The following GRID2 variants were observed in gnomAD, a reference collection of about 807,000 sequenced individuals.
The protein encoded by GRID2 is glutamate receptor ionotropic, delta-2.
GRID2 carries 33 observed loss-of-function variants against 114.8 expected under a neutral mutation model. The observed-to-expected ratio is 0.29, with a 90% confidence interval of 0.22 to 0.38. The LOEUF (loss-of-function observed/expected upper bound fraction) is 0.38, where lower values mean the gene tolerates loss of function less well. GRID2 is among the 10% of genes least tolerant of loss of function. GRID2 has a pLI of 1.00. For synonymous variants in GRID2, 505 were observed against 449.9 expected (o/e 1.12, Z -1.55); for missense variants, 1,184 against 1,257.7 (o/e 0.94, Z 0.89).
intron 2 of GRID2, among the ~76,000 whole-genome samples, chr4:92,685,595 C>G (rs556817227): frequency 6.6e-6 from 1 of 152,150 alleles, no homozygotes; most frequent in African/African-American, 2.4e-5. Context: ...GAATTTTTAA[C>G]TATCTGCACA....
intron 14 of GRID2, among the ~76,000 whole-genome samples, chr4:93,682,145 G>T (rs950951356): frequency 4.0e-5 from 6 of 151,652 alleles, no homozygotes; most frequent in African/African-American, 1.5e-4. Context: ...CTTCTCAAAA[G>T]AAGACATTTA....
intron 11 of GRID2, among the ~76,000 whole-genome samples, chr4:93,461,103 A>G (rs78729650): frequency 0.018 from 2,704 of 152,312 alleles, 68 homozygotes; most frequent in African/African-American, 0.062. Flanking sequence ...AGTTATAAAT[A>G]TGTTAAATAC....
chr4:93,582,841 T>C (rs1216205683), intron 13 of GRID2, among the ~76,000 whole-genome samples: 1 of 152,166 alleles, frequency 6.6e-6, no homozygotes, highest in Non-Finnish European at 1.5e-5. Context: ...AACGATTTTG[T>C]ATGACATTGT....
intron 2 of GRID2, among the ~76,000 whole-genome samples, chr4:92,825,756 C>A (rs1233893221): frequency 6.6e-6 from 1 of 152,096 alleles, no homozygotes; most frequent in Non-Finnish European, 1.5e-5. Context: ...CAAGGCAGCC[C>A]ATATGCAGGC....
At chr4:93,391,115 G>C (rs1764812386) in intron 8 of GRID2, among the ~76,000 whole-genome samples, 1 of 152,046 alleles carries the variant, frequency 6.6e-6, no homozygotes, top group South Asian at 2.1e-4. Flanking sequence ...AGAATCTTAG[G>C]AGCATATAAT....
intron 2 of GRID2, among the ~76,000 whole-genome samples, chr4:92,886,944 T>C (rs1382622282): frequency 1.3e-5 from 2 of 152,120 alleles, no homozygotes; most frequent in African/African-American, 2.4e-5. Context: ...CTATTATTTT[T>C]TGGGGGAAAA....
intron 2 of GRID2, among the ~76,000 whole-genome samples, chr4:92,934,024 T>C (rs2149524521): frequency 6.6e-6 from 1 of 151,932 alleles, no homozygotes; most frequent in East Asian, 1.9e-4. Context: ...AGCAAGTTTG[T>C]AAATTTTTAT....
intron 2 of GRID2, among the ~76,000 whole-genome samples, chr4:92,833,267 T>G: frequency 6.6e-6 from 1 of 152,204 alleles, no homozygotes; most frequent in East Asian, 1.9e-4. Context: ...TAGTTTTCCA[T>G]AAATATTGGT....
At chr4:93,645,654 C>A (rs751639561) in intron 14 of GRID2, among the ~76,000 whole-genome samples, 1 of 152,126 alleles carries the variant, frequency 6.6e-6, no homozygotes, top group African/African-American at 2.4e-5. Context: ...CCCTTTCTCT[C>A]CAGACTATTC....
chr4:93,181,808 A>T (rs1055880313), intron 4 of GRID2, among the ~76,000 whole-genome samples: 1 of 152,192 alleles, frequency 6.6e-6, no homozygotes, highest in Admixed American at 6.5e-5. Flanking sequence ...CAGCACATAG[A>T]CTAGTACCTG....
At chr4:93,260,058 G>A (rs1750083742) in intron 8 of GRID2, among the ~76,000 whole-genome samples, 2 of 151,606 alleles carry the variant, frequency 1.3e-5, no homozygotes, top group African/African-American at 2.4e-5. Flanking sequence ...AACTGTGTCC[G>A]CTATTAAATT....
chr4:92,485,342 A>AG (rs1487742228), intron 1 of GRID2, among the ~76,000 whole-genome samples: 1,384 of 69,354 alleles, frequency 0.02, 8 homozygotes, highest in Non-Finnish European at 0.034. Flanking sequence ...ATATATATAT[A>AG]TATATAGTGT....
intron 1 of GRID2, among the ~76,000 whole-genome samples, chr4:92,365,338 A>G (rs1038137270): frequency 1.3e-5 from 2 of 152,086 alleles, no homozygotes; most frequent in Non-Finnish European, 2.9e-5. Context: ...GATGGCATGG[A>G]TGAATCTAGA....
At chr4:92,314,360 G>T (rs1560562705) in intron 1 of GRID2, among the ~76,000 whole-genome samples, 1 of 152,020 alleles carries the variant, frequency 6.6e-6, no homozygotes, top group Non-Finnish European at 1.5e-5. Flanking sequence ...TCTGTTAGTG[G>T]TATTAAAATG....
intron 2 of GRID2, among the ~76,000 whole-genome samples, chr4:92,717,591 A>C (rs1735612139): frequency 6.6e-6 from 1 of 152,232 alleles, no homozygotes; most frequent in African/African-American, 2.4e-5. Context: ...GTCTATACTT[A>C]AATGAAGCAC....
At chr4:92,960,792 G>T (rs905712103) in intron 2 of GRID2, among the ~76,000 whole-genome samples, 1 of 151,456 alleles carries the variant, frequency 6.6e-6, no homozygotes, top group African/African-American at 2.4e-5. Context: ...TCTATTTGTT[G>T]CCTGTGATCC....
chr4:93,666,088 A>G (rs565471454), intron 14 of GRID2, among the ~76,000 whole-genome samples: 6 of 152,132 alleles, frequency 3.9e-5, no homozygotes, highest in Non-Finnish European at 8.8e-5. Context: ...AATGTCTTGA[A>G]TGTAATAGAT....
At chr4:93,156,713 A>G (rs1194431626) in intron 4 of GRID2, among the ~76,000 whole-genome samples, 2 of 151,790 alleles carry the variant, frequency 1.3e-5, no homozygotes, top group East Asian at 3.9e-4. Context: ...CTTGAAGGAC[A>G]TATAAGGGAT....
At chr4:92,329,594 A>G (rs976972366) in intron 1 of GRID2, among the ~76,000 whole-genome samples, 3 of 152,214 alleles carry the variant, frequency 2.0e-5, no homozygotes, top group African/African-American at 7.2e-5. Flanking sequence ...AAAAATTGCA[A>G]AGCACAATGA....
Sources: allele counts gnomAD v4.1 joint callset (sites outside exome capture counted in the v4.1 genomes callset), GRCh38; gene constraint gnomAD v4.1.1; transcripts MANE v1.5; gene names NCBI Gene and HGNC (gene_info 2026-07-23, HGNC 2026-07-21).